RIC1: variants seen among roughly 807,000 people sequenced by gnomAD.
The protein encoded by RIC1 is RIC1 partner of RAB6A GEF complex.
RIC1 carries 88 observed loss-of-function variants against 169.0 expected under a neutral mutation model. The observed-to-expected ratio is 0.52, with a 90% confidence interval of 0.44 to 0.62. The LOEUF (loss-of-function observed/expected upper bound fraction) is 0.62, where lower values mean the gene tolerates loss of function less well. Ranked by LOEUF, RIC1 falls within the 20% of genes least tolerant of loss-of-function variation. The probability of loss-of-function intolerance (pLI) is 0.00; values close to 1 mark genes in which losing one functional copy is unlikely to be tolerated. For missense variants in RIC1, 1,877 were observed against 1,725.5 expected, an observed-to-expected ratio of 1.09 and a Z score of -1.56; for synonymous variants, 790 against 601.5, an observed-to-expected ratio of 1.31 and a Z score of -4.59.
Position 5,720,484 on chromosome 9 carries a change from C to T in RIC1, c.584-130C>T, listed in dbSNP as rs925959758. On this transcript the variant is annotated intron_variant, in intron 5 of 25. Coordinates refer to ENST00000414202, the MANE Select transcript of RIC1 (RefSeq NM_020829.4). ...GAGAGAGGCATTTAATAGGAAAGGA[C>T]AGTTTAATTATTTAGGGTTGTTAGG... is the stretch of plus-strand genomic sequence containing the variant. 10 of 1,154,416 alleles carry T rather than the reference C, an allele frequency of 8.7e-6. No individual in the cohort carries two copies. In the Admixed American group the frequency reaches 2.5e-4, roughly 28 times the overall value. The allele number at this position is 1,154,416 out of a possible 1,614,324, so 71.5% of individuals were successfully genotyped here.
chr9:5,765,366 C>T, intron 19 of RIC1, 48 bp from the exon 20 acceptor site: 1 of 1,563,878 alleles, frequency 6.4e-7, no homozygotes, highest in Non-Finnish European at 8.7e-7. Context: ...TCATATCTTC[C>T]CAAATTGTGT....
intron 25 of RIC1, 66 bp from the exon 26 acceptor site, chr9:5,773,892 C>A: frequency 9.3e-6 from 13 of 1,402,568 alleles, no homozygotes; most frequent in Admixed American, 2.2e-5. Flanking sequence ...TAGAAGTTCA[C>A]CCGTAATGTT....
At chr9:5,708,746 T>C (rs1418788536) in intron 3 of RIC1, among the ~76,000 whole-genome samples, 1 of 152,290 alleles carries the variant, frequency 6.6e-6, no homozygotes, top group African/African-American at 2.4e-5. Context: ...TTTATCCTAC[T>C]TGGAGTTTCT....
At chr9:5,728,744 T>C (rs1475414913) in intron 6 of RIC1, among the ~76,000 whole-genome samples, 1 of 152,236 alleles carries the variant, frequency 6.6e-6, no homozygotes, top group East Asian at 1.9e-4. Flanking sequence ...GCTTGCTTAC[T>C]ATAATCTTTA....
chr9:5,770,849 C>T (rs1382307765), intron 23 of RIC1, among the ~76,000 whole-genome samples: 1 of 152,210 alleles, frequency 6.6e-6, no homozygotes, highest in Admixed American at 6.5e-5. Flanking sequence ...AACCTCTGCT[C>T]TGTAGTAATG....
chr9:5,773,879 CAGT>C, intron 25 of RIC1, 76 bp from the exon 26 acceptor site: 1 of 1,297,810 alleles, frequency 7.7e-7, no homozygotes, highest in Admixed American at 2.3e-5. Context: ...TATCAATGTT[CAGT>C]AGAAGTTCAC....
At chr9:5,717,757 A>G (rs1470992748) in intron 4 of RIC1, among the ~76,000 whole-genome samples, 2 of 151,566 alleles carry the variant, frequency 1.3e-5, no homozygotes, top group Non-Finnish European at 2.9e-5. Flanking sequence ...AGGCAGGAGA[A>G]TCCCGGGAGG....
chr9:5,672,871 T>TA (rs1226320305), intron 2 of RIC1, among the ~76,000 whole-genome samples: 1 of 152,154 alleles, frequency 6.6e-6, no homozygotes, highest in Non-Finnish European at 1.5e-5. Context: ...GACTTCTCAC[T>TA]ACTAACCCTG....
Position 5,629,466 on chromosome 9 carries a change from G to A in RIC1, c.144+13G>A, listed in dbSNP as rs1055744115. 36 of 1,524,448 alleles carry A rather than the reference G, an allele frequency of 2.4e-5. No individual in the cohort carries two copies. Among genetic ancestry groups the A allele is most frequent in the Non-Finnish European group, 3.1e-5 (35 of 1,141,650 alleles). 94.4% of individuals were successfully genotyped at this position (1,524,448 alleles called of 1,614,324 possible). A position where few individuals can be genotyped will look rare whatever the true frequency, so the allele number is the denominator to read the frequency against. On this transcript the variant is annotated intron_variant, in intron 1 of 25. Coordinates refer to ENST00000414202, the MANE Select transcript of RIC1 (RefSeq NM_020829.4). The stretch of plus-strand genomic sequence containing the variant: ...CTGGTACAGCCGAGTAAGTAGAGCC[G>A]CCCGCCGCCTTTCGCCGCTGCCTCC...
intron 6 of RIC1, among the ~76,000 whole-genome samples, chr9:5,730,799 C>G (rs1232758950): frequency 1.3e-5 from 2 of 152,078 alleles, no homozygotes; most frequent in African/African-American, 4.8e-5. Flanking sequence ...TATTCTTCTT[C>G]TATATAACTT....
At chr9:5,735,610 C>G (rs1486633683) in intron 7 of RIC1, among the ~76,000 whole-genome samples, 1 of 152,214 alleles carries the variant, frequency 6.6e-6, no homozygotes, top group African/African-American at 2.4e-5. Context: ...TAGCTGTTGA[C>G]ATAACAAACC....
chr9:5,691,070 A>G (rs1563904133), intron 3 of RIC1, among the ~76,000 whole-genome samples: 1 of 151,992 alleles, frequency 6.6e-6, no homozygotes, highest in Non-Finnish European at 1.5e-5. Flanking sequence ...CTGATACACA[A>G]AGGTGTGATA....
intron 7 of RIC1, 30 bp downstream of exon 7, chr9:5,732,509 A>C: frequency 6.7e-7 from 1 of 1,490,476 alleles, no homozygotes; most frequent in Non-Finnish European, 9.1e-7. Flanking sequence ...TTGCATTTTT[A>C]AGAGTTGTTG....
intron 21 of RIC1, among the ~76,000 whole-genome samples, chr9:5,767,528 C>G (rs1454571930): frequency 1.3e-5 from 2 of 149,200 alleles, no homozygotes; most frequent in Non-Finnish European, 3.0e-5. Flanking sequence ...TATATTCTTA[C>G]TACCGTGCTT....
chr9:5,664,137 T>C (rs150640397), intron 2 of RIC1, among the ~76,000 whole-genome samples: 2,041 of 152,168 alleles, frequency 0.013, 56 homozygotes, highest in African/African-American at 0.047. Flanking sequence ...TGGCCAGGTG[T>C]GGTGGCTCAC....
chr9:5,657,768 C>T (rs538109497), intron 2 of RIC1, among the ~76,000 whole-genome samples: 96 of 152,176 alleles, frequency 6.3e-4, no homozygotes, highest in Non-Finnish European at 1.1e-3. Context: ...GACCATGTAC[C>T]AAATATGCCC....
intron 6 of RIC1, among the ~76,000 whole-genome samples, chr9:5,730,902 A>G (rs894761200): frequency 6.6e-6 from 1 of 152,118 alleles, no homozygotes; most frequent in African/African-American, 2.4e-5. Context: ...CTTTCCTTTC[A>G]CAACCCATCC....
intron 9 of RIC1, 94 bp from the exon 10 acceptor site, chr9:5,743,595 C>G: frequency 2.0e-6 from 2 of 1,000,206 alleles, no homozygotes; most frequent in South Asian, 2.9e-5. Flanking sequence ...TTTAAAGGAG[C>G]AAAATCCGTT....
intron 2 of RIC1, among the ~76,000 whole-genome samples, chr9:5,663,798 C>T (rs1260829906): frequency 6.6e-6 from 1 of 152,068 alleles, no homozygotes; most frequent in East Asian, 1.9e-4. Flanking sequence ...GAGCATTTAG[C>T]CCATTTACAT....
Sources: gnomAD v4.1 joint callset for allele counts (sites outside exome capture counted in the v4.1 genomes callset) on GRCh38, gnomAD v4.1.1 for gene constraint, MANE v1.5 for transcripts, NCBI Gene and HGNC (gene_info 2026-07-23, HGNC 2026-07-21) for gene names.